Variants in KRT17 observed in about 807,000 individuals in gnomAD.
KRT17 encodes keratin 17, also known as keratin, type I cytoskeletal 17.
In KRT17, 29 loss-of-function variants were observed where a neutral mutation model predicts 45.6. The observed-to-expected ratio is 0.64, with a 90% CI of 0.47 to 0.87. The LOEUF (loss-of-function observed/expected upper bound fraction) is 0.87, where lower values mean the gene tolerates loss of function less well. Among genes scored for constraint, KRT17 ranks in the 40% least tolerant of loss-of-function variants. The probability of loss-of-function intolerance (pLI) is 0.00; values close to 1 mark genes in which losing one functional copy is unlikely to be tolerated. For synonymous variants in KRT17, 219 were observed against 234.6 expected (o/e 0.93, Z 0.61); for missense variants, 536 against 577.8 (o/e 0.93, Z 0.74).
chr17:41,624,457 G>A lies in KRT17; in HGVS notation c.53C>T (p.Ser18Phe), dbSNP rs1409637177. 6.2e-7 allele frequency: 1 copy of A among 1,610,526 alleles called. No homozygotes were observed. The highest frequency in any genetic ancestry group is 8.5e-7 in the Non-Finnish European group (1 of 1,179,544). Reference protein sequence around the residue: ...FTSSSSIKGSSGLGGGSSRTS... With the variant: ...FTSSSSIKGSFGLGGGSSRTS... Reference sequence around the variant, plus strand: ...GCGGGACGAGCCGCCCCCCAGGCCGGAGGAGCCCTTGATGGAGCTGGAGGA... The same window carrying A: ...GCGGGACGAGCCGCCCCCCAGGCCGAAGGAGCCCTTGATGGAGCTGGAGGA... Residue 18 changes from serine (S) to phenylalanine (F), a missense_variant, in exon 1 of 8, where the codon TCC becomes TTC. Coordinates refer to ENST00000311208, the MANE Select transcript of KRT17 (RefSeq NM_000422.3).
Position 41,621,783 on chromosome 17 carries a change from C to T in KRT17, c.673-29G>A, listed in dbSNP as rs1054823622. ...TGGAAAAAGGGGATGTGGATGTGCG[C>T]ATCTGGACCCATCCTGACCTCTCAC... On this transcript the variant is annotated intron_variant, in intron 3 of 7. Coordinates refer to ENST00000311208, the MANE Select transcript of KRT17 (RefSeq NM_000422.3). The T allele has an allele frequency of 5.0e-6, 8 of 1,611,764 alleles. No homozygotes were observed. The African/African-American group carries it at 5.3e-5, about 11-fold the overall frequency.
rs1410936135 is a variant in KRT17 at position 41,624,156 on chromosome 17, G to T, written c.354C>A (p.Asp118Glu). The T allele has an allele frequency of 1.2e-6, 2 of 1,612,174 alleles. No homozygotes were observed. Among genetic ancestry groups the T allele is most frequent in the Non-Finnish European group, 1.7e-6 (2 of 1,179,978 alleles). The change falls in exon 1 of 8, where the codon GAC (aspartate) becomes GAA (glutamate). Residue 118 changes from aspartate (D) to glutamate (E), a missense_variant. Transcript: ENST00000311208. The part of the protein sequence containing the change: ...ANTELEVKIR[D>E]WYQRQAPGPA... ...GCCCCGGGGCCTGCCTCTGGTACCA[G>T]TCACGGATCTTCACCTCCAGCTCAG...
intron 1 of KRT17, 98 bp from the exon 2 acceptor site, chr17:41,623,130 G>A (rs1209466590): frequency 2.7e-5 from 25 of 919,450 alleles, no homozygotes; most frequent in Admixed American, 5.3e-5. Context: ...CTCTCTTCTC[G>A]CCCAGCCCCT....
chr17:41,622,319 C>T (rs1908569851), intron 3 of KRT17, 36 bp downstream of exon 3: 10 of 1,611,834 alleles, frequency 6.2e-6, no homozygotes, highest in Non-Finnish European at 8.5e-6. Context: ...CCACCCACTC[C>T]TCAGCATCTT....
rs767403420 is a variant in KRT17 at position 41,624,399 on chromosome 17, G to C, written c.111C>G (p.Ala37=). Residue 37 remains alanine, a synonymous_variant, in exon 1 of 8, where the codon GCC becomes GCG. Coordinates refer to ENST00000311208, the MANE Select transcript of KRT17 (RefSeq NM_000422.3). ...TSCRLSGGLG[A]GSCRLGSAGG... is the part of the protein sequence containing the mutation. ...CAGCAGATCCCAGCCTGCAGGAGCC[G>C]GCACCCAGGCCGCCAGACAGCCGGC... 1 of 1,610,362 alleles carries C rather than the reference G, an allele frequency of 6.2e-7. No homozygotes were observed. Among genetic ancestry groups the C allele is most frequent in the Non-Finnish European group, 8.5e-7 (1 of 1,179,536 alleles).
chr17:41,622,199 C>A (rs1160360691), intron 3 of KRT17, 156 bp downstream of exon 3: 6 of 953,658 alleles, frequency 6.3e-6, no homozygotes, highest in African/African-American at 1.6e-5. Flanking sequence ...CACACTGGAC[C>A]CCAAGGATCA....
chr17:41,620,305 GA>G (rs1908492748), intron 7 of KRT17: 2 of 985,016 alleles, frequency 2.0e-6, no homozygotes, highest in African/African-American at 1.7e-5. Flanking sequence ...ATCAGACTAG[GA>G]TCTCCAAGGT....
chr17:41,620,040 G>T, intron 7 of KRT17: 1 of 985,332 alleles, frequency 1.0e-6, no homozygotes, highest in African/African-American at 1.7e-5. Context: ...TCCCCCATCA[G>T]ACTGGGATCG....
chr17:41,622,498 G>T lies in KRT17; in HGVS notation c.529C>A (p.Gln177Lys). The T allele has an allele frequency of 6.2e-7, 1 of 1,613,410 alleles. No individual in the cohort carries two copies. The highest frequency in any genetic ancestry group is 8.5e-7 in the Non-Finnish European group (1 of 1,180,034). ...DDFRTKFETE[Q>K]ALRLSVEADI... ...GCCTCCACACTCAGGCGCAGGGCCT[G>T]CTCTGTCTCAAACCTGCCGTGGGAA... The change falls in exon 3 of 8, where the codon CAG becomes AAG. Residue 177 changes from glutamine to lysine, a missense_variant. Coordinates refer to ENST00000311208, the MANE Select transcript of KRT17 (RefSeq NM_000422.3).
At chr17:41,624,050 G>C in intron 1 of KRT17, 28 bp downstream of exon 1, 1 of 1,611,870 alleles carries the variant, frequency 6.2e-7, no homozygotes, top group Non-Finnish European at 8.5e-7. Flanking sequence ...CATGCCCCCC[G>C]GAGACCCCTC....
Position 41,622,392 on chromosome 17 carries a change from T to A in KRT17, c.635A>T (p.Lys212Met). The A allele has an allele frequency of 1.2e-6, 2 of 1,613,992 alleles. No homozygotes were observed. The highest frequency in any genetic ancestry group is 2.7e-5 in the African/African-American group (2 of 75,066). Residue 212 changes from lysine (K) to methionine (M), a missense_variant, in exon 3 of 8, where the codon AAG becomes ATG. Transcript: ENST00000311208. ...CTTCTTCAGGTAGGCCAGCTCCTCC[T>A]TGAGGTTCTCAATCTGCATCTCCAG... is the stretch of plus-strand genomic sequence containing the variant. Reference protein sequence around the residue: ...ADLEMQIENLKEELAYLKKNH... With the variant: ...ADLEMQIENLMEELAYLKKNH...
chr17:41,624,553 A>T lies in KRT17; in HGVS notation c.-44T>A. 1.3e-6 allele frequency: 2 copies of T among 1,579,096 alleles called. No homozygotes were observed. The highest frequency in any genetic ancestry group is 1.7e-6 in the Non-Finnish European group (2 of 1,155,652). On this transcript the variant is annotated 5_prime_UTR_variant, in exon 1 of 8. Transcript: ENST00000311208. ...CAGGCACACAGGAGAAGGGCTGGAG[A>T]GGAGAGGGGCCCCAAGTTGTGTAGG... is the stretch of plus-strand genomic sequence containing the variant.
intron 4 of KRT17, 36 bp downstream of exon 4, chr17:41,621,557 C>A (rs367838939): frequency 3.1e-6 from 5 of 1,611,704 alleles, no homozygotes; most frequent in Non-Finnish European, 4.2e-6. Flanking sequence ...GAGCCCCAGC[C>A]CCTAAGAGAG....
At position 41,620,825 on chromosome 17, in the gene KRT17, G is replaced by A. The variant is rs1389188121; in HGVS notation, c.1015C>T (p.Leu339=). The part of the protein sequence containing the change: ...AETENRYCVQ[L]SQIQGLIGSV... The stretch of plus-strand genomic sequence containing the variant: ...CCAATCAGCCCCTGGATCTGGGACA[G>A]CTGCACGCAGTAGCGGTTCTCTGTC... The change falls in exon 6 of 8, where the codon CTG becomes TTG. Residue 339 remains leucine, a synonymous_variant. Coordinates refer to ENST00000311208, the MANE Select transcript of KRT17 (RefSeq NM_000422.3). The A allele has an allele frequency of 1.9e-6, 3 of 1,613,454 alleles. No homozygotes were observed. In the African/African-American group the frequency reaches 4.0e-5, roughly 22 times the overall value.
intron 1 of KRT17, among the ~76,000 whole-genome samples, chr17:41,623,421 C>A (rs899697122): frequency 6.6e-6 from 1 of 152,136 alleles, no homozygotes; most frequent in African/African-American, 2.4e-5. Flanking sequence ...GACAGGCTCC[C>A]CCAAAAGGAG....
intron 1 of KRT17, among the ~76,000 whole-genome samples, 199 bp downstream of exon 1, chr17:41,623,879 T>C (rs1254025806): frequency 6.6e-6 from 1 of 152,206 alleles, no homozygotes; most frequent in Non-Finnish European, 1.5e-5. Flanking sequence ...TCTTTGTTCC[T>C]GACTCAGCTT....
At chr17:41,619,852 C>A in intron 7 of KRT17, 164 bp from the exon 8 acceptor site, 4 of 985,422 alleles carry the variant, frequency 4.1e-6, no homozygotes, top group Non-Finnish European at 4.8e-6. Flanking sequence ...TCCCTCCTGT[C>A]CCTGCCACCA....
intron 7 of KRT17, 28 bp downstream of exon 7, chr17:41,620,508 C>T: frequency 6.2e-7 from 1 of 1,611,968 alleles, no homozygotes. Flanking sequence ...CACCCAACCC[C>T]CAGGGCCGAA....
Position 41,624,416 on chromosome 17 carries a change from A to T in KRT17, c.94T>A (p.Ser32Thr), listed in dbSNP as rs1295462977. 4 of 1,610,256 alleles carry T rather than the reference A, an allele frequency of 2.5e-6. No homozygotes were observed. Among genetic ancestry groups the T allele is most frequent in the Non-Finnish European group, 2.5e-6 (3 of 1,179,468 alleles). The change falls in exon 1 of 8, where the codon TCT becomes ACT. Residue 32 changes from serine to threonine, a missense_variant. By Grantham distance (58) the Ser-to-Thr change is moderately conservative (BLOSUM62 1). Coordinates refer to ENST00000311208, the MANE Select transcript of KRT17 (RefSeq NM_000422.3). ...CAGGAGCCGGCACCCAGGCCGCCAG[A>T]CAGCCGGCAGGAGGTGCGGGACGAG... The part of the protein sequence containing the change: ...GGSSRTSCRL[S>T]GGLGAGSCRL...
Sources: gnomAD v4.1 joint callset for allele counts (sites outside exome capture counted in the v4.1 genomes callset) on GRCh38, gnomAD v4.1.1 for gene constraint, MANE v1.5 for transcripts, NCBI Gene and HGNC (gene_info 2026-07-23, HGNC 2026-07-21) for gene names.